Variants in PSMA1 observed in about 807,000 individuals in gnomAD.
PSMA1 encodes the protein proteasome 20S subunit alpha 1.
A neutral mutation model predicts 38.4 loss-of-function variants in PSMA1; 3 were observed. The observed-to-expected ratio is 0.08, with a 90% CI of 0.04 to 0.20. The LOEUF is 0.20. PSMA1 is among the 10% of genes least tolerant of loss of function. The pLI, the probability that PSMA1 is intolerant of heterozygous loss-of-function variation, is 1.00. For synonymous variants in PSMA1, 101 were observed against 107.1 expected (o/e 0.94, Z 0.35); for missense variants, 227 against 325.3 (o/e 0.70, Z 2.32).
intron 2 of PSMA1, among the ~76,000 whole-genome samples, chr11:14,601,530 C>T (rs139621649): frequency 4.6e-5 from 7 of 152,238 alleles, no homozygotes; most frequent in African/African-American, 1.2e-4. Context: ...AAACTCTCTC[C>T]GACTCAGTCT....
intron 2 of PSMA1, among the ~76,000 whole-genome samples, chr11:14,576,633 A>G (rs1852220114): frequency 6.6e-6 from 1 of 152,166 alleles, no homozygotes; most frequent in East Asian, 1.9e-4. Context: ...TGTTCCATTG[A>G]TCTATATCTC....
At chr11:14,571,880 T>C (rs1852146249) in intron 2 of PSMA1, among the ~76,000 whole-genome samples, 1 of 151,954 alleles carries the variant, frequency 6.6e-6, no homozygotes, top group African/African-American at 2.4e-5. Flanking sequence ...TCTGATAAAA[T>C]AGACTTTAAG....
intron 2 of PSMA1, among the ~76,000 whole-genome samples, chr11:14,570,293 C>A (rs1852122195): frequency 6.6e-6 from 1 of 152,196 alleles, no homozygotes; most frequent in African/African-American, 2.4e-5. Context: ...TTCTAAAAAT[C>A]AGAGCACCTC....
At chr11:14,583,027 C>T (rs376118002) in intron 2 of PSMA1, among the ~76,000 whole-genome samples, 9 of 152,186 alleles carry the variant, frequency 5.9e-5, no homozygotes, top group Admixed American at 3.9e-4. Flanking sequence ...TCTGCGCTCA[C>T]GTAATTCGGT....
chr11:14,524,612 C>T (rs558005833), upstream of PSMA1, among the ~76,000 whole-genome samples: 31 of 152,112 alleles, frequency 2.0e-4, no homozygotes, highest in Non-Finnish European at 2.9e-4. Context: ...GGACTCAGCC[C>T]GTCTGCACCC....
At chr11:14,589,460 ATAT>A (rs1007271790) in intron 2 of PSMA1, among the ~76,000 whole-genome samples, 2 of 150,532 alleles carry the variant, frequency 1.3e-5, no homozygotes, top group African/African-American at 2.4e-5. Context: ...ATATATATAT[ATAT>A]TTTTTTCTTT....
chr11:14,605,386 AT>A (rs1315613885), intron 2 of PSMA1, among the ~76,000 whole-genome samples: 2 of 151,656 alleles, frequency 1.3e-5, no homozygotes, highest in African/African-American at 4.8e-5. Flanking sequence ...TTGTCCATTA[AT>A]TTTTTTATTT....
At chr11:14,611,658 C>G (rs971995775) in intron 1 of PSMA1, among the ~76,000 whole-genome samples, 2 of 152,144 alleles carry the variant, frequency 1.3e-5, no homozygotes, top group Non-Finnish European at 2.9e-5. Context: ...GTCAGGTGTG[C>G]ATTTTTTTGT....
At chr11:14,552,162 CAGAAAG>C (rs1242793490) in intron 2 of PSMA1, among the ~76,000 whole-genome samples, 4 of 152,208 alleles carry the variant, frequency 2.6e-5, no homozygotes, top group East Asian at 3.9e-4. Context: ...TGTCAGAGCA[CAGAAAG>C]ATAGCAAGAC....
chr11:14,585,711 T>C (rs1466281060), intron 2 of PSMA1, among the ~76,000 whole-genome samples: 1 of 152,162 alleles, frequency 6.6e-6, no homozygotes, highest in Non-Finnish European at 1.5e-5. Flanking sequence ...ACTTATCCCA[T>C]TCTCTGTTCT....
intron 2 of PSMA1, among the ~76,000 whole-genome samples, chr11:14,554,230 G>T (rs1851918018): frequency 1.3e-5 from 2 of 152,028 alleles, no homozygotes; most frequent in Admixed American, 6.6e-5. Flanking sequence ...TTCTGCAGTG[G>T]TTTTTGGTTT....
intron 2 of PSMA1, among the ~76,000 whole-genome samples, chr11:14,586,713 G>A (rs771200649): frequency 7.9e-5 from 12 of 151,726 alleles, no homozygotes; most frequent in Non-Finnish European, 1.3e-4. Context: ...TTCCCCCACC[G>A]AAGAATCTCT....
intron 1 of PSMA1, among the ~76,000 whole-genome samples, chr11:14,617,597 G>C (rs1260678877): frequency 1.3e-5 from 2 of 151,850 alleles, no homozygotes; most frequent in Non-Finnish European, 2.9e-5. Context: ...TAGGTTAGCT[G>C]CTTCAGAAAA....
At chr11:14,514,600 T>A in intron 4 of PSMA1, 109 bp from the exon 5 acceptor site, 1 of 840,818 alleles carries the variant, frequency 1.2e-6, no homozygotes, top group South Asian at 2.7e-5. Context: ...ATGGATAACA[T>A]CCATATAAGA....
chr11:14,525,536 T>C (rs1024063875), intron 2 of PSMA1, among the ~76,000 whole-genome samples: 2 of 152,172 alleles, frequency 1.3e-5, no homozygotes, highest in African/African-American at 4.8e-5. Context: ...TAAACTCTCC[T>C]TACAATTCCC....
At position 14,563,343 on chromosome 11, in the gene PSMA1, T is replaced by G. The variant is rs141993202; in HGVS notation, c.22-44302A>C. On this transcript the variant is annotated intron_variant, in intron 2 of 10. Coordinates refer to the PSMA1 transcript ENST00000418988. ...GTGTTTGAGTAGTGACTGTCCCTTGTGAGCCATGCAGGCAGTGTACCTTTA... is the reference window on the plus strand; with the variant it reads ...GTGTTTGAGTAGTGACTGTCCCTTGGGAGCCATGCAGGCAGTGTACCTTTA... Among the ~76,000 whole-genome samples, 14 of 152,326 alleles carry G rather than the reference T, an allele frequency of 9.2e-5. No individual in the cohort carries two copies. In the East Asian group the frequency reaches 2.1e-3, roughly 23 times the overall value.
At chr11:14,510,567 G>A (rs1003295836) in intron 8 of PSMA1, among the ~76,000 whole-genome samples, 1 of 152,138 alleles carries the variant, frequency 6.6e-6, no homozygotes, top group African/African-American at 2.4e-5. Flanking sequence ...CTTAGAAAGT[G>A]CCTGCACATG....
chr11:14,639,250 T>C (rs1391269314), intron 1 of PSMA1, among the ~76,000 whole-genome samples: 1 of 141,308 alleles, frequency 7.1e-6, no homozygotes, highest in Non-Finnish European at 1.6e-5. Context: ...AATTTTGTTT[T>C]TGTAAATCTA....
At chr11:14,528,815 T>C (rs1042935457) in intron 2 of PSMA1, among the ~76,000 whole-genome samples, 2 of 152,106 alleles carry the variant, frequency 1.3e-5, no homozygotes, top group Non-Finnish European at 2.9e-5. Context: ...TCCCCCACCC[T>C]TAAGAAGGTT....
Sources: allele counts gnomAD v4.1 joint callset (sites outside exome capture counted in the v4.1 genomes callset), GRCh38; gene constraint gnomAD v4.1.1; transcripts MANE v1.5; gene names NCBI Gene and HGNC (gene_info 2026-07-23, HGNC 2026-07-21).